The following OCA2 variants were observed in gnomAD, a reference collection of about 807,000 sequenced individuals.
The protein encoded by OCA2 is OCA2 melanosomal transmembrane protein, also known as P protein.
In OCA2, 77 loss-of-function variants were observed where a neutral mutation model predicts 100.2. That is an observed-to-expected ratio of 0.77 (90% CI 0.64 to 0.93). The LOEUF is 0.93. Among genes scored for constraint, OCA2 ranks in the 40% least tolerant of loss-of-function variants. The probability of loss-of-function intolerance (pLI) is 0.00; values close to 1 mark genes in which losing one functional copy is unlikely to be tolerated. For missense variants in OCA2, 1,062 were observed against 1,089.1 expected (o/e 0.98, Z 0.35); for synonymous variants, 432 against 439.2 (o/e 0.98, Z 0.21).
At chr15:28,059,786 G>A (rs1010650259) in intron 2 of OCA2, among the ~76,000 whole-genome samples, 3 of 152,194 alleles carry the variant, frequency 2.0e-5, no homozygotes, top group Non-Finnish European at 2.9e-5. Context: ...GGGTCACTTC[G>A]TGTGTAATTC....
At chr15:27,804,832 G>T (rs1019260421) in intron 23 of OCA2, among the ~76,000 whole-genome samples, 56 of 152,208 alleles carry the variant, frequency 3.7e-4, no homozygotes, top group Non-Finnish European at 7.8e-4. Context: ...AGTCCTCGGC[G>T]CCAGGCAGGC....
intron 1 of OCA2, among the ~76,000 whole-genome samples, chr15:28,091,370 A>C (rs1372657211): frequency 6.6e-6 from 1 of 152,214 alleles, no homozygotes; most frequent in Non-Finnish European, 1.5e-5. Flanking sequence ...ACAAAGAAAA[A>C]ATACTACAGG....
chr15:27,733,930 G>A, the OCA2 span, among the ~76,000 whole-genome samples: 7 of 150,720 alleles, frequency 4.6e-5, no homozygotes, highest in African/African-American at 1.2e-4. Flanking sequence ...GAGAGGCCAT[G>A]GTGGGAGTAC....
chr15:28,023,884 G>C (rs1595842112), intron 5 of OCA2, among the ~76,000 whole-genome samples: 3 of 151,502 alleles, frequency 2.0e-5, no homozygotes, highest in African/African-American at 7.3e-5. Flanking sequence ...CACAGACATA[G>C]AGCAGGCACA....
intron 23 of OCA2, among the ~76,000 whole-genome samples, chr15:27,843,768 G>C (rs17747284): frequency 6.6e-6 from 1 of 151,952 alleles, no homozygotes; most frequent in African/African-American, 2.4e-5. Context: ...AAAATCCAAC[G>C]TGCTAGTGTT....
chr15:27,906,067 C>G (rs1283381629), intron 19 of OCA2, among the ~76,000 whole-genome samples: 1 of 151,912 alleles, frequency 6.6e-6, no homozygotes, highest in South Asian at 2.1e-4. Flanking sequence ...TTAATGGGTA[C>G]AAAAAATAGG....
chr15:27,833,144 T>C (rs1330038618), intron 23 of OCA2, among the ~76,000 whole-genome samples: 3 of 152,252 alleles, frequency 2.0e-5, no homozygotes, highest in African/African-American at 7.2e-5. Flanking sequence ...CCCCTAAATA[T>C]ACAACCTTGT....
At chr15:27,876,114 T>C (rs2036780109) in intron 19 of OCA2, among the ~76,000 whole-genome samples, 1 of 152,076 alleles carries the variant, frequency 6.6e-6, no homozygotes, top group Non-Finnish European at 1.5e-5. Flanking sequence ...ATAATTAAGT[T>C]TTTCGCCATG....
At chr15:27,940,054 C>T (rs1188794212) in intron 18 of OCA2, among the ~76,000 whole-genome samples, 1 of 152,170 alleles carries the variant, frequency 6.6e-6, no homozygotes, top group Admixed American at 6.5e-5. Context: ...GGACATCACA[C>T]AGCTTTGCCG....
At chr15:27,930,274 T>C (rs932499345) in intron 18 of OCA2, among the ~76,000 whole-genome samples, 10 of 152,146 alleles carry the variant, frequency 6.6e-5, no homozygotes, top group African/African-American at 2.4e-4. Flanking sequence ...TACAAAAAGA[T>C]GGTGTAATAC....
chr15:27,884,316 AG>A (rs1237005986), intron 19 of OCA2, among the ~76,000 whole-genome samples: 1 of 152,240 alleles, frequency 6.6e-6, no homozygotes, highest in Non-Finnish European at 1.5e-5. Flanking sequence ...TAGAGGTTGC[AG>A]TGAACCGAAA....
intron 19 of OCA2, among the ~76,000 whole-genome samples, chr15:27,893,863 A>G (rs1050441724): frequency 6.6e-6 from 1 of 152,136 alleles, no homozygotes. Flanking sequence ...GACCCTTATC[A>G]GTGGTTCTGC....
At chr15:27,722,677 TTTC>T in the OCA2 span, among the ~76,000 whole-genome samples, 480 of 147,046 alleles carry the variant, frequency 3.3e-3, 3 homozygotes, top group Admixed American at 5.0e-3. Context: ...CTTTCTTTTC[TTTC>T]TTTCTTTCTC....
At chr15:27,897,623 C>T (rs377562642) in intron 19 of OCA2, among the ~76,000 whole-genome samples, 8 of 152,292 alleles carry the variant, frequency 5.3e-5, no homozygotes, top group Non-Finnish European at 7.4e-5. Flanking sequence ...GCTGCAGGGG[C>T]GGGGCCTTCA....
chr15:27,994,362 A>G (rs1465227039), intron 9 of OCA2, among the ~76,000 whole-genome samples: 2 of 152,224 alleles, frequency 1.3e-5, no homozygotes, highest in African/African-American at 2.4e-5. Context: ...ATTGTCTTCC[A>G]TGAAACTAGT....
intron 14 of OCA2, among the ~76,000 whole-genome samples, chr15:27,975,679 T>C (rs932079741): frequency 6.6e-6 from 1 of 152,240 alleles, no homozygotes; most frequent in African/African-American, 2.4e-5. Flanking sequence ...CTGTCTTGGT[T>C]ACTGAGACTT....
intron 23 of OCA2, among the ~76,000 whole-genome samples, chr15:27,756,331 G>A (rs762007636): frequency 2.6e-5 from 4 of 152,222 alleles, no homozygotes; most frequent in Non-Finnish European, 5.9e-5. Context: ...TACTCAGAAA[G>A]AGCCACAGCA....
At chr15:28,039,766 G>A (rs1376508705) in intron 2 of OCA2, among the ~76,000 whole-genome samples, 2 of 152,182 alleles carry the variant, frequency 1.3e-5, no homozygotes, top group Non-Finnish European at 2.9e-5. Flanking sequence ...CAGGCGCGGT[G>A]GCTCATGCCT....
rs2040395424 is a variant in OCA2, at chr15:27,961,055, T to C, written c.1637-3320A>G. Among the ~76,000 whole-genome samples, 3 of 152,106 alleles carry C rather than the reference T, an allele frequency of 2.0e-5. No homozygotes were observed. In the South Asian group the frequency reaches 6.2e-4, roughly 31 times the overall value. On this transcript the variant is annotated intron_variant, in intron 15 of 23. Transcript: ENST00000354638. ...AGAAAATTTTTGTAATCTATCCATC[T>C]GACAAAGGGCTAATATGCAGAACCT...
Sources: gnomAD v4.1 joint callset for allele counts (sites outside exome capture counted in the v4.1 genomes callset) on GRCh38, gnomAD v4.1.1 for gene constraint, MANE v1.5 for transcripts, NCBI Gene and HGNC (gene_info 2026-07-23, HGNC 2026-07-21) for gene names.